NKAIN2: variants seen among roughly 807,000 people sequenced by gnomAD.
NKAIN2 encodes sodium/potassium transporting ATPase interacting 2.
Under a neutral mutation model 32.6 loss-of-function variants are expected in NKAIN2, and 14 were observed. The observed-to-expected ratio is 0.43, with a 90% CI of 0.28 to 0.67. The LOEUF (loss-of-function observed/expected upper bound fraction) is 0.67. Among genes scored for constraint, NKAIN2 ranks in the 30% least tolerant of loss-of-function variants. The pLI, the probability that NKAIN2 is intolerant of heterozygous loss-of-function variation, is 0.17. For synonymous variants in NKAIN2, 80 were observed against 87.2 expected (o/e 0.92, Z 0.46); for missense variants, 198 against 258.3 (o/e 0.77, Z 1.60).
chr6:124,706,719 ACCT>A (rs1480594262), intron 4 of NKAIN2, among the ~76,000 whole-genome samples: 3 of 152,202 alleles, frequency 2.0e-5, no homozygotes. Flanking sequence ...ACAACATGGC[ACCT>A]AATCGTCATT....
chr6:124,243,362 G>T (rs958034621), intron 1 of NKAIN2, among the ~76,000 whole-genome samples: 13 of 152,002 alleles, frequency 8.6e-5, no homozygotes, highest in African/African-American at 3.1e-4. Flanking sequence ...GAGCATAGTA[G>T]CACATGCCTG....
At chr6:124,182,737 T>A (rs1176382357) in intron 1 of NKAIN2, among the ~76,000 whole-genome samples, 1 of 152,128 alleles carries the variant, frequency 6.6e-6, no homozygotes, top group East Asian at 1.9e-4. Context: ...ATAATTAAGG[T>A]GTCAGATGGT....
At chr6:124,355,190 G>T (rs749385860) in intron 2 of NKAIN2, 77 bp from the exon 3 acceptor site, 25 of 922,820 alleles carry the variant, frequency 2.7e-5, no homozygotes, top group Non-Finnish European at 3.7e-5. Flanking sequence ...TAGGGTGTGC[G>T]AAAGTTCGTT....
chr6:124,507,605 A>T (rs1030569812), intron 3 of NKAIN2, among the ~76,000 whole-genome samples: 1 of 152,196 alleles, frequency 6.6e-6, no homozygotes, highest in Non-Finnish European at 1.5e-5. Context: ...CATAATATAG[A>T]TGTACAGGAG....
At chr6:124,252,321 T>A (rs929423260) in intron 1 of NKAIN2, among the ~76,000 whole-genome samples, 5 of 152,008 alleles carry the variant, frequency 3.3e-5, no homozygotes, top group Non-Finnish European at 5.9e-5. Context: ...ATAAAATAAT[T>A]TCTAAACTAT....
At chr6:124,249,773 G>T (rs908366636) in intron 1 of NKAIN2, among the ~76,000 whole-genome samples, 1 of 152,046 alleles carries the variant, frequency 6.6e-6, no homozygotes, top group African/African-American at 2.4e-5. Flanking sequence ...TTTGAAGGCT[G>T]CCTGAAGCAC....
chr6:124,056,690 A>G (rs1231743743), intron 1 of NKAIN2, among the ~76,000 whole-genome samples: 5 of 152,054 alleles, frequency 3.3e-5, no homozygotes, highest in Admixed American at 1.3e-4. Flanking sequence ...GTGCTCTCTG[A>G]TATGGATTTG....
At chr6:124,801,643 G>A (rs563203519) in intron 5 of NKAIN2, among the ~76,000 whole-genome samples, 37 of 152,244 alleles carry the variant, frequency 2.4e-4, no homozygotes, top group East Asian at 5.8e-4. Flanking sequence ...CCTTTATGGC[G>A]CCTACAATCC....
intron 4 of NKAIN2, among the ~76,000 whole-genome samples, chr6:124,678,867 C>T (rs1773485440): frequency 6.6e-6 from 1 of 152,190 alleles, no homozygotes; most frequent in African/African-American, 2.4e-5. Context: ...ATCAACCCAC[C>T]TACAGACTCT....
chr6:124,013,745 C>T lies in NKAIN2; in HGVS notation c.54+209491C>T, dbSNP rs980858582. 3.5e-4 allele frequency among the ~76,000 whole-genome samples: 53 copies of T among 152,060 alleles called. 1 individual carries two copies. Among genetic ancestry groups the T allele is most frequent in the Admixed American group, 3.1e-3 (48 of 15,262 alleles). On this transcript the variant is annotated intron_variant, in intron 1 of 6. Coordinates refer to ENST00000368417, the MANE Select transcript of NKAIN2 (RefSeq NM_001040214.3). ...TCCAGGTGGGCCCAGTTTAATCACACGTGTCTGTAAATGCAGAAACTCTTT... is the reference window on the plus strand; with the variant it reads ...TCCAGGTGGGCCCAGTTTAATCACATGTGTCTGTAAATGCAGAAACTCTTT...
intron 1 of NKAIN2, among the ~76,000 whole-genome samples, chr6:123,849,306 C>T (rs549957646): frequency 5.3e-5 from 8 of 152,156 alleles, no homozygotes; most frequent in African/African-American, 1.9e-4. Flanking sequence ...AAATGATAGA[C>T]GAGGAAGTGT....
chr6:124,808,572 A>G (rs1264012663), intron 5 of NKAIN2, among the ~76,000 whole-genome samples: 1 of 152,240 alleles, frequency 6.6e-6, no homozygotes, highest in Non-Finnish European at 1.5e-5. Context: ...GAAAACTGGC[A>G]TAAGACAGGG....
chr6:123,919,376 T>G lies in NKAIN2; in HGVS notation c.54+115122T>G, dbSNP rs1775640750. Among the ~76,000 whole-genome samples, 5 of 152,090 alleles carry G rather than the reference T, an allele frequency of 3.3e-5. No individual in the cohort carries two copies. The South Asian group carries it at 1.0e-3, about 32-fold the overall frequency. On this transcript the variant is annotated intron_variant, in intron 1 of 6. Coordinates refer to ENST00000368417, the MANE Select transcript of NKAIN2 (RefSeq NM_001040214.3). ...ATATTTAATATAGACAAAGAAAAAC[T>G]GCATATATTATTCTTAACATTAATT...
At chr6:124,474,788 G>GTA (rs200621080) in intron 3 of NKAIN2, among the ~76,000 whole-genome samples, 81 of 125,518 alleles carry the variant, frequency 6.5e-4, no homozygotes, top group Non-Finnish European at 8.0e-4. Flanking sequence ...TCTTACCCCT[G>GTA]TATATATATA....
chr6:123,998,281 T>C (rs1258437818), intron 1 of NKAIN2, among the ~76,000 whole-genome samples: 1 of 152,214 alleles, frequency 6.6e-6, no homozygotes, highest in African/African-American at 2.4e-5. Flanking sequence ...AATAGGTATC[T>C]AATGATATAT....
At chr6:124,287,137 C>T (rs1196070353) in intron 2 of NKAIN2, among the ~76,000 whole-genome samples, 1 of 152,152 alleles carries the variant, frequency 6.6e-6, no homozygotes, top group Non-Finnish European at 1.5e-5. Flanking sequence ...ACAGTTAACT[C>T]TCTTTCAACT....
intron 1 of NKAIN2, among the ~76,000 whole-genome samples, chr6:124,258,034 C>A (rs1025400335): frequency 6.6e-6 from 1 of 151,956 alleles, no homozygotes; most frequent in African/African-American, 2.4e-5. Context: ...ATTGCCTCGG[C>A]CTCCCAAAGT....
chr6:124,345,954 T>C (rs1327605646), intron 2 of NKAIN2, among the ~76,000 whole-genome samples: 1 of 152,202 alleles, frequency 6.6e-6, no homozygotes, highest in Non-Finnish European at 1.5e-5. Flanking sequence ...CTTTCCTGCT[T>C]TCTCTTCTGG....
chr6:124,121,987 A>T, intron 1 of NKAIN2: 1 of 629,260 alleles, frequency 1.6e-6, no homozygotes, highest in East Asian at 7.1e-5. Context: ...CTACAGGGTA[A>T]TATATATTTG....
Sources: allele counts gnomAD v4.1 joint callset (sites outside exome capture counted in the v4.1 genomes callset), GRCh38; gene constraint gnomAD v4.1.1; transcripts MANE v1.5; gene names NCBI Gene and HGNC (gene_info 2026-07-23, HGNC 2026-07-21).